Variants in JMJD1C observed in about 807,000 individuals in gnomAD.
JMJD1C encodes the protein jumonji domain-containing protein 1C.
A neutral mutation model predicts 245.3 loss-of-function variants in JMJD1C; 31 were observed. The ratio of observed to expected loss-of-function variants is 0.13; its 90% confidence interval spans 0.09 to 0.17. The LOEUF is 0.17. Ranked by LOEUF, JMJD1C falls within the 10% of genes least tolerant of loss-of-function variation. JMJD1C has a pLI of 1.00. For synonymous variants in JMJD1C, 1,057 were observed against 1,017.4 expected, an observed-to-expected ratio of 1.04 and a Z score of -0.74; for missense variants, 2,691 against 3,000.2, an observed-to-expected ratio of 0.90 and a Z score of 2.41.
chr10:63,495,742 C>A (rs1179216568), intron 1 of JMJD1C, among the ~76,000 whole-genome samples: 3 of 122,664 alleles, frequency 2.4e-5, no homozygotes, highest in Admixed American at 1.8e-4. Flanking sequence ...TCAAAAAAAA[C>A]AACTCCTAAC....
At chr10:63,298,220 T>C (rs894918511) in intron 2 of JMJD1C, among the ~76,000 whole-genome samples, 2 of 152,102 alleles carry the variant, frequency 1.3e-5, no homozygotes, top group East Asian at 1.9e-4. Flanking sequence ...TCCAGGCCAG[T>C]AGTGTGAGCC....
At chr10:63,428,113 T>C (rs892662118) in intron 1 of JMJD1C, among the ~76,000 whole-genome samples, 1 of 152,062 alleles carries the variant, frequency 6.6e-6, no homozygotes, top group South Asian at 2.1e-4. Context: ...CCAAACATCA[T>C]AGATTTTATG....
intron 1 of JMJD1C, among the ~76,000 whole-genome samples, chr10:63,507,647 A>AAAAAAAAAAAAAAAAAAAAAAAAAAC (rs1954761527): frequency 6.7e-6 from 1 of 148,978 alleles, no homozygotes; most frequent in Non-Finnish European, 1.5e-5. Context: ...TCTGTCTCAA[A>AAAAAAAAAAAAAAAAAAAAAAAAAAC]AAAAAAAAAA....
chr10:63,454,969 T>C (rs1334752951), intron 1 of JMJD1C, among the ~76,000 whole-genome samples: 1 of 152,202 alleles, frequency 6.6e-6, no homozygotes, highest in Non-Finnish European at 1.5e-5. Context: ...TCCTGTTGTA[T>C]TGTATCGCAA....
At chr10:63,469,867 A>T (rs1953435290), upstream of JMJD1C, among the ~76,000 whole-genome samples, 1 of 152,178 alleles carries the variant, frequency 6.6e-6, no homozygotes, top group Non-Finnish European at 1.5e-5. Context: ...CAAGTGGAAG[A>T]CCAAGAATAA....
In JMJD1C at chr10:63,214,210, G is replaced by T; in HGVS notation, c.1957C>A (p.Pro653Thr). The stretch of plus-strand genomic sequence containing the variant: ...GTGGCCTTAGACTTTACAGAATCAG[G>T]AGAATGAGTTATTTTGGGTTTAACA... ...EVVKPKITHS[P>T]DSVKSKATYV... The change falls in exon 8 of 26, where the codon CCT becomes ACT. Residue 653 changes from proline to threonine, a missense_variant. Physicochemically the swap from Pro to Thr is conservative, Grantham distance 38. Transcript: ENST00000399262. 1 of 1,613,978 alleles carries T rather than the reference G, an allele frequency of 6.2e-7. No homozygotes were observed.
At chr10:63,233,694 T>TTA (rs757725047) in intron 3 of JMJD1C, among the ~76,000 whole-genome samples, 136 of 150,624 alleles carry the variant, frequency 9.0e-4, no homozygotes, top group Middle Eastern at 3.5e-3. Flanking sequence ...TAGAAAGATT[T>TTA]TATATATATA....
chr10:63,293,941 C>A (rs1859079121), intron 2 of JMJD1C, among the ~76,000 whole-genome samples: 1 of 152,120 alleles, frequency 6.6e-6, no homozygotes, highest in Admixed American at 6.6e-5. Context: ...CATCTAGGTC[C>A]TTTTTCTGAC....
At chr10:63,440,030 C>T (rs1951277109) in intron 1 of JMJD1C, among the ~76,000 whole-genome samples, 1 of 152,132 alleles carries the variant, frequency 6.6e-6, no homozygotes, top group Admixed American at 6.5e-5. Context: ...GAAACATAGG[C>T]ACATTACAGA....
intron 2 of JMJD1C, among the ~76,000 whole-genome samples, chr10:63,367,064 G>C (rs1945900489): frequency 1.3e-5 from 2 of 152,178 alleles, no homozygotes; most frequent in South Asian, 4.1e-4. Context: ...ACTAGTCCCA[G>C]CTGGGTGTAA....
intron 1 of JMJD1C, among the ~76,000 whole-genome samples, chr10:63,424,807 T>G (rs973758109): frequency 6.6e-6 from 1 of 152,176 alleles, no homozygotes; most frequent in African/African-American, 2.4e-5. Context: ...AGATTTTCTT[T>G]ACTCAGAGAA....
chr10:63,455,972 G>C (rs1009516862), intron 1 of JMJD1C, among the ~76,000 whole-genome samples: 4 of 151,940 alleles, frequency 2.6e-5, no homozygotes, highest in Non-Finnish European at 4.4e-5. Context: ...AAGCATATTT[G>C]CTTTTTTCCT....
intron 1 of JMJD1C, among the ~76,000 whole-genome samples, chr10:63,501,110 A>G (rs1954545241): frequency 1.3e-5 from 2 of 152,158 alleles, no homozygotes; most frequent in South Asian, 4.1e-4. Flanking sequence ...CCACAGCTTG[A>G]ACCCAGGCCT....
chr10:63,184,781 A>G, intron 20 of JMJD1C, 43 bp from the exon 21 acceptor site: 2 of 1,540,034 alleles, frequency 1.3e-6, no homozygotes, highest in African/African-American at 1.4e-5. Flanking sequence ...AAAGATTTGC[A>G]TTGCTAAGTA....
intron 10 of JMJD1C, 48 bp from the exon 11 acceptor site, chr10:63,200,725 G>T: frequency 6.7e-7 from 1 of 1,495,994 alleles, no homozygotes; most frequent in Non-Finnish European, 9.3e-7. Flanking sequence ...TTTGTAAAAA[G>T]TTAAACTCCT....
chr10:63,197,406 C>A lies in JMJD1C; in HGVS notation c.5644+5G>T, dbSNP rs776515584. On this transcript the variant is annotated splice_donor_5th_base_variant and intron_variant, in intron 13 of 25. Coordinates refer to ENST00000399262, the MANE Select transcript of JMJD1C (RefSeq NM_032776.3). ...ACTTCAATTTATATAAACTTATACA[C>A]CAACCTCTAGAACTCTTCCTTTCCT... 1 of 1,609,978 alleles carries A rather than the reference C, an allele frequency of 6.2e-7. No individual in the cohort carries two copies. Among genetic ancestry groups the A allele is most frequent in the Non-Finnish European group, 8.5e-7 (1 of 1,178,610 alleles).
intron 1 of JMJD1C, among the ~76,000 whole-genome samples, chr10:63,436,295 T>A (rs1951055030): frequency 6.6e-6 from 1 of 152,210 alleles, no homozygotes; most frequent in South Asian, 2.1e-4. Flanking sequence ...TTCAATTACC[T>A]TATGTTAATG....
chr10:63,273,356 TAATATA>T (rs1161526051), intron 2 of JMJD1C, among the ~76,000 whole-genome samples: 3 of 152,218 alleles, frequency 2.0e-5, no homozygotes, highest in Non-Finnish European at 4.4e-5. Context: ...CATATCTGGC[TAATATA>T]AATATATTAA....
At chr10:63,190,809 C>G (rs111971590) in intron 17 of JMJD1C, 85 bp downstream of exon 17, 56,243 of 950,258 alleles carry the variant, frequency 0.059, 1,973 homozygotes, top group Non-Finnish European at 0.072. Flanking sequence ...CATCAGCATA[C>G]TGGGTAGTTC....
Sources: gnomAD v4.1 joint callset for allele counts (sites outside exome capture counted in the v4.1 genomes callset) on GRCh38, gnomAD v4.1.1 for gene constraint, MANE v1.5 for transcripts, NCBI Gene and HGNC (gene_info 2026-07-23, HGNC 2026-07-21) for gene names.